The following PRRC2B variants were observed in gnomAD, a reference collection of about 807,000 sequenced individuals.
The protein encoded by PRRC2B is protein PRRC2B.
In PRRC2B, 68 loss-of-function variants were observed where a neutral mutation model predicts 242.3. The observed-to-expected ratio is 0.28, with a 90% CI of 0.23 to 0.34. The LOEUF is 0.34. Among genes scored for constraint, PRRC2B ranks in the 10% least tolerant of loss-of-function variants. PRRC2B has a pLI of 1.00. For missense variants in PRRC2B, 2,835 were observed against 2,954.8 expected, an observed-to-expected ratio of 0.96 and a Z score of 0.94; for synonymous variants, 1,228 against 1,173.6, an observed-to-expected ratio of 1.05 and a Z score of -0.95.
intron 12 of PRRC2B, among the ~76,000 whole-genome samples, chr9:131,465,582 T>C (rs969894842): frequency 1.3e-5 from 2 of 152,206 alleles, no homozygotes; most frequent in African/African-American, 2.4e-5. Context: ...TCGTCACTAT[T>C]ATCCTCGCTA....
chr9:131,482,632 C>G lies in PRRC2B; in HGVS notation c.5175+70C>G. The G allele has an allele frequency of 6.6e-7, 1 of 1,525,008 alleles. No homozygotes were observed. The highest frequency in any genetic ancestry group is 8.8e-7 in the Non-Finnish European group (1 of 1,132,482). The allele number at this position is 1,525,008 out of a possible 1,614,324, so 94.5% of individuals were successfully genotyped here. ...GGGGCCATCGTCTCATCATCTTCCTCAATTCCTGGGACAGTAGAAGCTAGA... is the reference window on the plus strand; with the variant it reads ...GGGGCCATCGTCTCATCATCTTCCTGAATTCCTGGGACAGTAGAAGCTAGA... On this transcript the variant is annotated intron_variant, in intron 21 of 31. Coordinates refer to ENST00000683519, the MANE Select transcript of PRRC2B (RefSeq NM_013318.4). This position sits in a 1 kb window ranked among gnomAD's most constrained non-coding sequence, Gnocchi z 5.2.
chr9:131,429,066 C>G (rs891480987), intron 1 of PRRC2B, among the ~76,000 whole-genome samples: 1 of 152,182 alleles, frequency 6.6e-6, no homozygotes, highest in Non-Finnish European at 1.5e-5. Flanking sequence ...CCTGCCTCAT[C>G]CTCCTCAGTA....
chr9:131,409,179 C>T lies in PRRC2B; in HGVS notation c.-52+14916C>T, dbSNP rs1255875062. ...CTGAGATTACAGGCATGTGCCACGACGCCCGGCTAATTTTGTATTTTTAAT... is the reference window on the plus strand; with the variant it reads ...CTGAGATTACAGGCATGTGCCACGATGCCCGGCTAATTTTGTATTTTTAAT... On this transcript the variant is annotated intron_variant, in intron 1 of 31. Transcript: ENST00000683519. Among the ~76,000 whole-genome samples, 6 of 152,156 alleles carry T rather than the reference C, an allele frequency of 3.9e-5. No homozygotes were observed. The East Asian group carries it at 5.8e-4, about 15-fold the overall frequency.
At position 131,436,712 on chromosome 9, in the gene PRRC2B, T is replaced by C; in HGVS notation, c.386T>C (p.Ile129Thr). The change falls in exon 4 of 32, where the codon ATC (isoleucine) becomes ACC (threonine). Residue 129 changes from isoleucine to threonine, a missense_variant. By Grantham distance (89) the Ile-to-Thr change is moderately conservative (BLOSUM62 -1). This residue lies in a region of PRRC2B where 626 missense variants were observed against 685.5 expected (regional missense o/e 0.91). Coordinates refer to ENST00000683519, the MANE Select transcript of PRRC2B (RefSeq NM_013318.4). Reference protein sequence around the residue: ...VSNLQKPTQSISQENTNSVPG... With the variant: ...VSNLQKPTQSTSQENTNSVPG... Reference sequence around the variant, plus strand: ...AATTTGCAGAAACCGACACAGTCAATCAGTCAGGAGGTAGGTGCTGGGACC... The same window carrying C: ...AATTTGCAGAAACCGACACAGTCAACCAGTCAGGAGGTAGGTGCTGGGACC... The C allele has an allele frequency of 1.2e-6, 2 of 1,613,840 alleles. No individual in the cohort carries two copies. Among genetic ancestry groups the C allele is most frequent in the Non-Finnish European group, 1.7e-6 (2 of 1,179,752 alleles).
intron 5 of PRRC2B, among the ~76,000 whole-genome samples, chr9:131,441,611 C>G (rs775080550): frequency 6.6e-6 from 1 of 152,138 alleles, no homozygotes. Flanking sequence ...GGGTGGGGGC[C>G]AAGTGTAAAA....
Position 131,383,600 on chromosome 9 carries a change from C to CTT in PRRC2B, c.-56+9887_-56+9888dup, listed in dbSNP as rs561717754. On this transcript the variant is annotated intron_variant, in intron 1 of 1. Coordinates refer to the PRRC2B transcript ENST00000682525. The stretch of plus-strand genomic sequence containing the variant: ...TTTGTTTGTTTTGGTTTTGGTTTCT[C>CTT]TTTTTTTTTTTTTTTTTTTGAGACA... Among the ~76,000 whole-genome samples, 731 of 120,570 alleles carry CTT rather than the reference C, an allele frequency of 6.1e-3. 22 individuals are homozygous for CTT. Among genetic ancestry groups the CTT allele is most frequent in the South Asian group, 0.031 (116 of 3,788 alleles). 79.1% of individuals were successfully genotyped at this position (120,570 alleles called of 152,430 possible). A position where few individuals can be genotyped will look rare whatever the true frequency, so the allele number is the denominator to read the frequency against.
rs117280533 is a variant in PRRC2B at position 131,487,824 on chromosome 9, C to T, written c.5985-32C>T. ...CCAGATCCGCAGCTGGACTCATCCA[C>T]CTGATCCCGACCATCTGTCTGGCTT... is the stretch of plus-strand genomic sequence containing the variant. On this transcript the variant is annotated intron_variant, in intron 27 of 31. Coordinates refer to ENST00000683519, the MANE Select transcript of PRRC2B (RefSeq NM_013318.4). This position sits in a 1 kb window ranked among gnomAD's most constrained non-coding sequence, Gnocchi z 5.3. 2.4e-4 allele frequency: 382 copies of T among 1,589,362 alleles called. 2 individuals are homozygous for T. In the East Asian group the frequency reaches 6.8e-3, roughly 28 times the overall value.
Position 131,475,320 on chromosome 9 carries a change from C to T in PRRC2B, c.3191C>T (p.Ala1064Val), listed in dbSNP as rs757345674. Residue 1064 changes from alanine (A) to valine (V), a missense_variant, in exon 16 of 32, where the codon GCC becomes GTC. Ala to Val is a moderately conservative substitution (Grantham distance 64). Around this residue, in one of 7 missense-constraint regions of PRRC2B, gnomAD observed 1,536 missense variants for 1,483.1 expected, o/e 1.04. Transcript: ENST00000683519. ...EEQAFGVRGQ[A>V]RGRGRGFREF... ...CAAGCCTTTGGGGTCAGAGGACAGG[C>T]CCGGGGCCGGGGCCGTGGTTTCAGA... is the stretch of plus-strand genomic sequence containing the variant. 6 of 1,597,718 alleles carry T rather than the reference C, an allele frequency of 3.8e-6. No individual in the cohort carries two copies. The highest frequency in any genetic ancestry group is 1.7e-4 in the Middle Eastern group (1 of 5,974).
intron 14 of PRRC2B, 60 bp from the exon 15 acceptor site, chr9:131,473,448 C>T (rs1943598372): frequency 7.4e-7 from 1 of 1,353,840 alleles, no homozygotes; most frequent in Admixed American, 2.2e-5. Context: ...TTGGTTGACC[C>T]TGAGATTGGA....
chr9:131,404,859 G>A (rs1015072797), intron 1 of PRRC2B, among the ~76,000 whole-genome samples: 1 of 152,154 alleles, frequency 6.6e-6, no homozygotes, highest in Non-Finnish European at 1.5e-5. Flanking sequence ...ACACAATTTT[G>A]GTCAAACTGT....
At chr9:131,467,843 A>C in intron 13 of PRRC2B, 90 bp downstream of exon 13, 4 of 1,356,866 alleles carry the variant, frequency 2.9e-6, no homozygotes, top group African/African-American at 1.4e-5. Context: ...CCCACCTCCA[A>C]CTTAGAAAAA....
chr9:131,403,074 G>C (rs1259482142), intron 1 of PRRC2B, among the ~76,000 whole-genome samples: 1 of 152,196 alleles, frequency 6.6e-6, no homozygotes, highest in Admixed American at 6.6e-5. Context: ...GTGTCTTGCA[G>C]AACTTTTTTC....
chr9:131,427,341 GTGTT>G (rs1338144019), intron 1 of PRRC2B, among the ~76,000 whole-genome samples: 3 of 152,092 alleles, frequency 2.0e-5, no homozygotes, highest in African/African-American at 4.8e-5. Context: ...GTGTGTGTGT[GTGTT>G]TTTTTGATGG....
At position 131,482,847 on chromosome 9, in the gene PRRC2B, G is replaced by A. The variant is rs200718283; in HGVS notation, c.5313G>A (p.Val1771=). The A allele has an allele frequency of 1.6e-5, 26 of 1,608,476 alleles. No individual in the cohort carries two copies. In the South Asian group the frequency reaches 1.8e-4, roughly 11 times the overall value. ...CTGTCGTCCCGCCTGTTAACGGGGT[G>A]GAGATTCACGTGGACTCCGTGCTGC... ...QGAVVPPVNG[V]EIHVDSVLPV... The change falls in exon 22 of 32, where the codon GTG becomes GTA. Residue 1771 remains valine (V), a synonymous_variant. Coordinates refer to ENST00000683519, the MANE Select transcript of PRRC2B (RefSeq NM_013318.4). The surrounding 1 kb of genome is among the most constrained non-coding windows in gnomAD (Gnocchi z 5.2).
upstream of PRRC2B, among the ~76,000 whole-genome samples, chr9:131,393,311 T>A (rs938268364): frequency 1.3e-5 from 2 of 152,160 alleles, no homozygotes; most frequent in Non-Finnish European, 2.9e-5. Context: ...ACATTTTTTT[T>A]TTGTATTTGC....
intron 1 of PRRC2B, among the ~76,000 whole-genome samples, chr9:131,426,791 T>G (rs946199670): frequency 3.9e-5 from 6 of 152,210 alleles, no homozygotes; most frequent in African/African-American, 1.4e-4. Flanking sequence ...CCAGACTCTC[T>G]TACGCCCTCT....
rs1482055003 is a variant in PRRC2B, at chr9:131,486,127, C to T, written c.5801C>T (p.Ala1934Val). ...CTGTACCTGGATGGCCATGTGTTTG[C>T]AAGTCAGCCCCGGCTGGTTCCTCAA... The part of the protein sequence containing the change: ...PPLYLDGHVF[A>V]SQPRLVPQTI... The change falls in exon 26 of 32, where the codon GCA becomes GTA. Residue 1934 changes from alanine (A) to valine (V), a missense_variant. Physicochemically the swap from Ala to Val is moderately conservative, Grantham distance 64 (BLOSUM62 0). This residue lies in a region of PRRC2B where 574 missense variants were observed against 626.0 expected (regional missense o/e 0.92). Transcript: ENST00000683519. 1 of 1,613,124 alleles carries T rather than the reference C, an allele frequency of 6.2e-7. No individual in the cohort carries two copies. The highest frequency in any genetic ancestry group is 1.7e-5 in the Admixed American group (1 of 59,876).
At chr9:131,401,640 C>G (rs1007106596) in intron 1 of PRRC2B, among the ~76,000 whole-genome samples, 1 of 149,844 alleles carries the variant, frequency 6.7e-6, no homozygotes, top group Admixed American at 6.6e-5. Flanking sequence ...CATGAGCCAC[C>G]GTGCCTGGCC....
At chr9:131,431,226 G>C (rs535984231) in intron 2 of PRRC2B, among the ~76,000 whole-genome samples, 1 of 152,162 alleles carries the variant, frequency 6.6e-6, no homozygotes, top group East Asian at 1.9e-4. Flanking sequence ...TGCCTCCCGG[G>C]TTCACGCCAT....
Sources: gnomAD v4.1 joint callset for allele counts (sites outside exome capture counted in the v4.1 genomes callset) on GRCh38, gnomAD v4.1.1 for gene constraint, gnomAD v4.1.1 regional missense constraint, Gnocchi (gnomAD v3.1) non-coding constraint, MANE v1.5 for transcripts, NCBI Gene and HGNC (gene_info 2026-07-23, HGNC 2026-07-21) for gene names.